FHIT: variants seen among roughly 807,000 people sequenced by gnomAD.
FHIT encodes the protein bis(5'-adenosyl)-triphosphatase.
A neutral mutation model predicts 17.9 loss-of-function variants in FHIT; 19 were observed. The ratio of observed to expected loss-of-function variants is 1.06; its 90% CI spans 0.74 to 1.56. FHIT has a LOEUF of 1.56. FHIT is among the 40% of genes most tolerant of loss of function. FHIT has a pLI of 0.00. For missense variants in FHIT, 248 were observed against 189.2 expected (o/e 1.31, Z -1.82); for synonymous variants, 81 against 69.7 (o/e 1.16, Z -0.81).
intron 2 of FHIT, among the ~76,000 whole-genome samples, chr3:61,148,193 A>T (rs2037283179): frequency 6.6e-6 from 1 of 152,040 alleles, no homozygotes; most frequent in Non-Finnish European, 1.5e-5. Flanking sequence ...AAGAAATTCT[A>T]TATGAATTAT....
At position 60,571,519 on chromosome 3, in the gene FHIT, A is replaced by T. The variant is rs565108511; in HGVS notation, c.-17-34540T>A. 3.9e-5 allele frequency among the ~76,000 whole-genome samples: 6 copies of T among 152,140 alleles called. No homozygotes were observed. The East Asian group carries it at 1.2e-3, about 29-fold the overall frequency. ...GGAGAATTTGAGAAAATTTTACAGT[A>T]AACAGGAATTTGCATACGCTCTGGG... On this transcript the variant is annotated intron_variant, in intron 4 of 9. Transcript: ENST00000492590.
chr3:59,976,943 T>G (rs1190769089), intron 7 of FHIT, among the ~76,000 whole-genome samples: 1 of 152,016 alleles, frequency 6.6e-6, no homozygotes, highest in Non-Finnish European at 1.5e-5. Flanking sequence ...ACACATCTAA[T>G]GGTGAAGGGC....
intron 2 of FHIT, among the ~76,000 whole-genome samples, chr3:61,104,335 T>C (rs1348271279): frequency 6.6e-6 from 1 of 152,152 alleles, no homozygotes; most frequent in Admixed American, 6.5e-5. Flanking sequence ...AAGCTTAGTT[T>C]GGCTGGATAT....
chr3:60,628,376 A>G (rs2039348848), intron 4 of FHIT, among the ~76,000 whole-genome samples: 1 of 152,212 alleles, frequency 6.6e-6, no homozygotes, highest in Admixed American at 6.5e-5. Flanking sequence ...TATTTGGAAA[A>G]TGTTCCATGT....
Position 60,147,016 on chromosome 3 carries a change from C to A in FHIT, c.104-132864G>T, listed in dbSNP as rs530700015. ...TAAATCGTACATCTCCATTTTGACACGCAATCCTTTATTTTCCTTTCACTG... is the reference window on the plus strand; with the variant it reads ...TAAATCGTACATCTCCATTTTGACAAGCAATCCTTTATTTTCCTTTCACTG... On this transcript the variant is annotated intron_variant, in intron 5 of 9. Coordinates refer to ENST00000492590, the MANE Select transcript of FHIT (RefSeq NM_002012.4). 4.6e-5 allele frequency among the ~76,000 whole-genome samples: 7 copies of A among 152,256 alleles called. 2 individuals are homozygous for A. The South Asian group carries it at 1.5e-3, about 32-fold the overall frequency.
chr3:60,044,833 A>G (rs1575965364), intron 5 of FHIT, among the ~76,000 whole-genome samples: 1 of 152,076 alleles, frequency 6.6e-6, no homozygotes, highest in African/African-American at 2.4e-5. Context: ...AGTGCAAGAA[A>G]CCTGGGGAGA....
chr3:60,324,421 A>G lies in FHIT; in HGVS notation c.103+212439T>C, dbSNP rs143584583. On this transcript the variant is annotated intron_variant, in intron 5 of 9. Coordinates refer to ENST00000492590, the MANE Select transcript of FHIT (RefSeq NM_002012.4). Reference sequence around the variant, plus strand: ...AACATGGTGAAACCCTGTCTCTACTAAAAATACAAAAAAATTAGCCGGGCG... The same window carrying G: ...AACATGGTGAAACCCTGTCTCTACTGAAAATACAAAAAAATTAGCCGGGCG... 4.8e-3 allele frequency among the ~76,000 whole-genome samples: 731 copies of G among 152,148 alleles called. 1 individual carries two copies. Among genetic ancestry groups the G allele is most frequent in the South Asian group, 8.1e-3 (39 of 4,814 alleles).
At chr3:60,682,065 G>A (rs552925866) in intron 4 of FHIT, among the ~76,000 whole-genome samples, 3 of 151,410 alleles carry the variant, frequency 2.0e-5, no homozygotes, top group Admixed American at 6.6e-5. Flanking sequence ...TCTGCCTCCC[G>A]GGTTCAAGCA....
chr3:60,183,885 C>T (rs1489614046), intron 5 of FHIT, among the ~76,000 whole-genome samples: 2 of 152,106 alleles, frequency 1.3e-5, no homozygotes, highest in Non-Finnish European at 2.9e-5. Context: ...TTCAGAGTTC[C>T]CATATATGCC....
At chr3:59,996,713 C>T (rs1006296196) in intron 7 of FHIT, among the ~76,000 whole-genome samples, 1 of 152,018 alleles carries the variant, frequency 6.6e-6, no homozygotes, top group Non-Finnish European at 1.5e-5. Context: ...TGAGAATAGT[C>T]AAACACCTTA....
chr3:60,541,455 T>C (rs2036183291), intron 4 of FHIT, among the ~76,000 whole-genome samples: 1 of 152,192 alleles, frequency 6.6e-6, no homozygotes, highest in Non-Finnish European at 1.5e-5. Context: ...TTTGATTTTT[T>C]GCTTTTAGTA....
At chr3:60,306,122 A>T (rs567833887) in intron 5 of FHIT, among the ~76,000 whole-genome samples, 18 of 152,260 alleles carry the variant, frequency 1.2e-4, no homozygotes, top group South Asian at 2.1e-4. Flanking sequence ...TTAAAGCGTA[A>T]AAGTCTAAGA....
Position 60,418,396 on chromosome 3 carries a change from A to G in FHIT, c.103+118464T>C, listed in dbSNP as rs1377715778. Among the ~76,000 whole-genome samples, 32 of 119,308 alleles carry G rather than the reference A, an allele frequency of 2.7e-4. 4 individuals are homozygous for G. Among genetic ancestry groups the G allele is most frequent in the South Asian group, 5.3e-4 (2 of 3,766 alleles). 78.3% of individuals were successfully genotyped at this position (119,308 alleles called of 152,430 possible). A position where few individuals can be genotyped will look rare whatever the true frequency, so the allele number is the denominator to read the frequency against. On this transcript the variant is annotated intron_variant, in intron 5 of 9. Transcript: ENST00000492590. ...TGTGTGTATATATATATATATATAT[A>G]TATATATATATATATATATATATAT...
At chr3:60,526,711 G>C (rs1343375509) in intron 5 of FHIT, among the ~76,000 whole-genome samples, 1 of 152,048 alleles carries the variant, frequency 6.6e-6, no homozygotes, top group Non-Finnish European at 1.5e-5. Flanking sequence ...AAACTCCACA[G>C]AGCACATGGG....
Position 60,363,629 on chromosome 3 carries a change from A to G in FHIT, c.103+173231T>C, listed in dbSNP as rs552557298. 2.0e-5 allele frequency among the ~76,000 whole-genome samples: 3 copies of G among 152,154 alleles called. No individual in the cohort carries two copies. The South Asian group carries it at 6.2e-4, about 32-fold the overall frequency. ...GGTAGCTAGAACTTGAGCCCACTGAATTTTAATGGTGTCACTGTAAAGCCT... is the reference window on the plus strand; with the variant it reads ...GGTAGCTAGAACTTGAGCCCACTGAGTTTTAATGGTGTCACTGTAAAGCCT... On this transcript the variant is annotated intron_variant, in intron 5 of 9. Transcript: ENST00000492590.
rs563298701 is a variant in FHIT at position 60,721,982 on chromosome 3, G to A, written c.-18+99937C>T. On this transcript the variant is annotated intron_variant, in intron 4 of 9. Coordinates refer to ENST00000492590, the MANE Select transcript of FHIT (RefSeq NM_002012.4). ...AGACATACCAGTTAGGAGCTGGAGA[G>A]CACCAAAATTCACATTAGCTTCCAC... is the stretch of plus-strand genomic sequence containing the variant. Among the ~76,000 whole-genome samples, 41 of 152,208 alleles carry A rather than the reference G, an allele frequency of 2.7e-4. No individual in the cohort carries two copies. In the South Asian group the frequency reaches 6.4e-3, roughly 24 times the overall value.
intron 1 of FHIT, among the ~76,000 whole-genome samples, chr3:61,224,853 GAC>G (rs141982687): frequency 3.3e-5 from 5 of 151,608 alleles, no homozygotes; most frequent in Admixed American, 1.3e-4. Context: ...AGTGTGGATG[GAC>G]ACACACACAC....
intron 3 of FHIT, among the ~76,000 whole-genome samples, chr3:60,838,842 G>A (rs1394143383): frequency 5.9e-5 from 9 of 152,144 alleles, no homozygotes; most frequent in Non-Finnish European, 1.3e-4. Flanking sequence ...TTGTCACGAT[G>A]CTGACACACA....
chr3:60,183,385 G>C (rs987453735), intron 5 of FHIT, among the ~76,000 whole-genome samples: 3 of 152,170 alleles, frequency 2.0e-5, no homozygotes, highest in African/African-American at 7.2e-5. Context: ...GCAACAGAGT[G>C]AGACTCTGTC....
Sources: gnomAD v4.1 joint callset for allele counts (sites outside exome capture counted in the v4.1 genomes callset) on GRCh38, gnomAD v4.1.1 for gene constraint, MANE v1.5 for transcripts, NCBI Gene and HGNC (gene_info 2026-07-23, HGNC 2026-07-21) for gene names.